ASB3: variants seen among roughly 807,000 people sequenced by gnomAD.
ASB3 encodes ankyrin repeat and SOCS box protein 3.
ASB3 carries 41 observed loss-of-function variants against 54.5 expected under a neutral mutation model. The observed-to-expected ratio is 0.75, with a 90% confidence interval of 0.59 to 0.98. The LOEUF (loss-of-function observed/expected upper bound fraction) is 0.98, where lower values mean the gene tolerates loss of function less well. Among genes scored for constraint, ASB3 ranks in the 50% least tolerant of loss-of-function variants. ASB3 has a pLI of 0.00. For synonymous variants in ASB3, 266 were observed against 221.2 expected, an observed-to-expected ratio of 1.20 and a Z score of -1.80; for missense variants, 733 against 620.0, an observed-to-expected ratio of 1.18 and a Z score of -1.94.
chr2:53,700,560 A>G, intron 7 of ASB3, 32 bp from the exon 8 acceptor site: 1 of 1,573,674 alleles, frequency 6.4e-7, no homozygotes, highest in Non-Finnish European at 8.6e-7. Context: ...CAAAAAAAGA[A>G]GAAGTTAGAC....
At chr2:53,685,519 T>C (rs376291809) in intron 9 of ASB3, among the ~76,000 whole-genome samples, 67 of 152,372 alleles carry the variant, frequency 4.4e-4, no homozygotes, top group Middle Eastern at 3.4e-3. Context: ...TTCAATTTTA[T>C]TTCCAACTTA....
chr2:53,692,818 C>G (rs1296135598), intron 9 of ASB3, among the ~76,000 whole-genome samples: 1 of 152,146 alleles, frequency 6.6e-6, no homozygotes, highest in Non-Finnish European at 1.5e-5. Flanking sequence ...TTAGTAAAAG[C>G]AGATGCAATT....
intron 2 of ASB3, among the ~76,000 whole-genome samples, chr2:53,757,568 T>C (rs1157697931): frequency 1.3e-5 from 2 of 152,228 alleles, no homozygotes; most frequent in African/African-American, 4.8e-5. Context: ...CTTCCTCCGA[T>C]CCCTGCCTCC....
Position 53,694,823 on chromosome 2 carries a change from A to G in ASB3, c.1239-809T>C, listed in dbSNP as rs180973168. 2.7e-3 allele frequency among the ~76,000 whole-genome samples: 405 copies of G among 152,316 alleles called. 6 individuals are homozygous for G. Among genetic ancestry groups the G allele is most frequent in the Non-Finnish European group, 6.9e-4 (47 of 68,012 alleles). ...CATAAGCTGCCCATTTCAGGGAACT[A>G]TATGTGAAAATAATATGAGATAACA... is the stretch of plus-strand genomic sequence containing the variant. On this transcript the variant is annotated intron_variant, in intron 8 of 9. Coordinates refer to ENST00000263634, the MANE Select transcript of ASB3 (RefSeq NM_016115.5).
At chr2:53,707,446 C>G (rs1669843884) in intron 7 of ASB3, among the ~76,000 whole-genome samples, 1 of 151,744 alleles carries the variant, frequency 6.6e-6, no homozygotes, top group African/African-American at 2.4e-5. Context: ...AGTTGGAGAC[C>G]ATCCTAGCTA....
At chr2:53,772,731 T>C (rs1320468717) in intron 1 of ASB3, among the ~76,000 whole-genome samples, 2 of 152,154 alleles carry the variant, frequency 1.3e-5, no homozygotes, top group Non-Finnish European at 2.9e-5. Context: ...CAGGAGTACA[T>C]GTGCAGGATG....
chr2:53,705,667 G>A (rs187201746), intron 7 of ASB3, among the ~76,000 whole-genome samples: 1 of 151,970 alleles, frequency 6.6e-6, no homozygotes, highest in Non-Finnish European at 1.5e-5. Flanking sequence ...TTTTTTCTGT[G>A]CCCAATCTCC....
At chr2:53,767,736 TG>T in intron 1 of ASB3, 1 of 863,234 alleles carries the variant, frequency 1.2e-6, no homozygotes, top group Non-Finnish European at 1.8e-6. Flanking sequence ...AAAATCTTTC[TG>T]GATCTAAACT....
chr2:53,747,482 G>A (rs2103992547), intron 3 of ASB3, among the ~76,000 whole-genome samples: 1 of 152,280 alleles, frequency 6.6e-6, no homozygotes, highest in East Asian at 1.9e-4. Flanking sequence ...GGAGGCAGAG[G>A]TTGCAGTGAG....
intron 1 of ASB3, among the ~76,000 whole-genome samples, chr2:53,778,149 C>CA (rs34356077): frequency 0.016 from 1,013 of 61,662 alleles, 9 homozygotes; most frequent in Middle Eastern, 0.056. Context: ...ATTCTTGTCT[C>CA]AAAAAAAAAA....
At chr2:53,728,341 G>A (rs10178643) in intron 5 of ASB3, among the ~76,000 whole-genome samples, 65,533 of 151,468 alleles carry the variant, frequency 0.43, 14,830 homozygotes, top group East Asian at 0.62. Flanking sequence ...ATACCCCTCA[G>A]AGCCTTAATA....
chr2:53,753,853 C>T (rs1672667217), intron 2 of ASB3, among the ~76,000 whole-genome samples: 1 of 151,884 alleles, frequency 6.6e-6, no homozygotes, highest in African/African-American at 2.4e-5. Flanking sequence ...GTTGGCCAGG[C>T]TGGTCTCAAA....
chr2:53,724,516 T>A (rs1670885238), intron 5 of ASB3, among the ~76,000 whole-genome samples: 1 of 151,972 alleles, frequency 6.6e-6, no homozygotes, highest in Admixed American at 6.6e-5. Flanking sequence ...GGAGAATCAC[T>A]TGAACCCAGG....
At chr2:53,773,592 G>A in intron 1 of ASB3, among the ~76,000 whole-genome samples, 1 of 151,986 alleles carries the variant, frequency 6.6e-6, no homozygotes, top group African/African-American at 2.4e-5. Flanking sequence ...CACTGTGCCT[G>A]ACTAATTTTT....
intron 5 of ASB3, among the ~76,000 whole-genome samples, chr2:53,724,251 T>G (rs186044643): frequency 6.6e-6 from 1 of 152,274 alleles, no homozygotes; most frequent in Admixed American, 6.5e-5. Flanking sequence ...GTCCAATATC[T>G]AGAATCTATA....
At chr2:53,700,237 A>T in intron 8 of ASB3, 34 bp downstream of exon 8, 1 of 1,590,540 alleles carries the variant, frequency 6.3e-7, no homozygotes, top group Non-Finnish European at 8.6e-7. Flanking sequence ...ATTCACTCAA[A>T]AAGGGTAAGC....
chr2:53,712,301 C>G (rs946972668), intron 7 of ASB3, among the ~76,000 whole-genome samples: 4 of 151,940 alleles, frequency 2.6e-5, no homozygotes, highest in Admixed American at 6.6e-5. Context: ...ACTGTTTTTC[C>G]CATTAGGTTT....
In ASB3 at chr2:53,714,397, C is replaced by G. The variant is rs770071165; in HGVS notation, c.967G>C (p.Ala323Pro). 1 of 1,614,150 alleles carries G rather than the reference C, an allele frequency of 6.2e-7. No individual in the cohort carries two copies. The highest frequency in any genetic ancestry group is 8.5e-7 in the Non-Finnish European group (1 of 1,180,002). ...AAATATACATACTCCTTTTGGAAAG[C>G]CATGCACACAGGAGAACTGAATCCA... ...VFGFSSPVCM[A>P]FQKDCEFFGI... The change falls in exon 7 of 10, where the codon GCT (alanine) becomes CCT (proline). Residue 323 changes from alanine (A) to proline (P), a missense_variant. Transcript: ENST00000263634.
In ASB3 at chr2:53,670,423, A is replaced by T. The variant is rs1487666091; in HGVS notation, c.*80T>A. 6.8e-7 allele frequency: 1 copy of T among 1,466,596 alleles called. No homozygotes were observed. The highest frequency in any genetic ancestry group is 9.1e-7 in the Non-Finnish European group (1 of 1,098,410). 90.8% of individuals were successfully genotyped at this position (1,466,596 alleles called of 1,614,324 possible). ...AATCATCTTTTGACTATAAAATCAT[A>T]AAAACTTGTACTCTGTGGCTCTTTT... On this transcript the variant is annotated 3_prime_UTR_variant, in exon 10 of 10. Coordinates refer to ENST00000263634, the MANE Select transcript of ASB3 (RefSeq NM_016115.5).
Sources: gnomAD v4.1 joint callset for allele counts (sites outside exome capture counted in the v4.1 genomes callset) on GRCh38, gnomAD v4.1.1 for gene constraint, MANE v1.5 for transcripts, NCBI Gene and HGNC (gene_info 2026-07-23, HGNC 2026-07-21) for gene names.